Variants in AK5 observed in about 807,000 individuals in gnomAD.
AK5 encodes the protein adenylate kinase isoenzyme 5.
A neutral mutation model predicts 69.5 loss-of-function variants in AK5; 27 were observed. The observed-to-expected ratio is 0.39, with a 90% confidence interval of 0.29 to 0.54. The LOEUF is 0.54. AK5 is among the 20% of genes least tolerant of loss of function. The probability of loss-of-function intolerance (pLI) is 0.71; values close to 1 mark genes in which losing one functional copy is unlikely to be tolerated. For missense variants in AK5, 531 were observed against 700.4 expected, an observed-to-expected ratio of 0.76 and a Z score of 2.73; for synonymous variants, 260 against 244.4, an observed-to-expected ratio of 1.06 and a Z score of -0.60.
intron 5 of AK5, among the ~76,000 whole-genome samples, chr1:77,303,634 C>T (rs888420140): frequency 1.1e-4 from 17 of 152,188 alleles, no homozygotes; most frequent in Non-Finnish European, 2.2e-4. Flanking sequence ...GTAAAAAAGG[C>T]ACATAATGTC....
intron 10 of AK5, among the ~76,000 whole-genome samples, chr1:77,503,791 G>T (rs1262080668): frequency 6.6e-6 from 1 of 151,972 alleles, no homozygotes; most frequent in Non-Finnish European, 1.5e-5. Flanking sequence ...TGCAATCCCA[G>T]CTACTCAGAA....
intron 6 of AK5, among the ~76,000 whole-genome samples, chr1:77,342,625 T>C (rs763138534): frequency 1.3e-5 from 2 of 152,014 alleles, no homozygotes; most frequent in African/African-American, 2.4e-5. Context: ...TTTGAAAAAA[T>C]TTGACAAAGA....
rs1655623714 is a variant in AK5, at chr1:77,486,687, A to T, written c.1147+335A>T. ...CACTCCACCTGGGTGACAGAGCAAG[A>T]CTCTGTCAAAAAAAAAAAAAAAGGA... On this transcript the variant is annotated intron_variant, in intron 10 of 13. Transcript: ENST00000354567. Among the ~76,000 whole-genome samples the T allele has an allele frequency of 2.0e-5, 3 of 148,850 alleles. No homozygotes were observed. The East Asian group carries it at 5.9e-4, about 29-fold the overall frequency.
At chr1:77,397,500 C>T (rs1648910853) in intron 6 of AK5, among the ~76,000 whole-genome samples, 1 of 152,192 alleles carries the variant, frequency 6.6e-6, no homozygotes, top group Non-Finnish European at 1.5e-5. Flanking sequence ...TTTCTAGCAG[C>T]TACTTTACTA....
chr1:77,483,372 T>C lies in AK5; in HGVS notation c.1102+13T>C. On this transcript the variant is annotated intron_variant, in intron 9 of 13. Transcript: ENST00000354567. ...GACACTATGGGAGGTGAGTTTTCCTTACTGATCAGATCAAAGTTGTCATTT... is the reference window on the plus strand; with the variant it reads ...GACACTATGGGAGGTGAGTTTTCCTCACTGATCAGATCAAAGTTGTCATTT... 6.2e-7 allele frequency: 1 copy of C among 1,606,312 alleles called. No individual in the cohort carries two copies. Among genetic ancestry groups the C allele is most frequent in the Non-Finnish European group, 8.5e-7 (1 of 1,172,966 alleles).
rs1658108428 is a variant in AK5, at chr1:77,282,387, T to G, written c.60+14T>G. ...CAGCTTTTTGAGGTAGGGCTAGAGC[T>G]GGCCGACGGGCGGTAGCATCCGGGG... is the stretch of plus-strand genomic sequence containing the variant. On this transcript the variant is annotated intron_variant, in intron 1 of 13. Transcript: ENST00000354567. The G allele has an allele frequency of 6.5e-7, 1 of 1,540,672 alleles. No individual in the cohort carries two copies. The highest frequency in any genetic ancestry group is 8.8e-7 in the Non-Finnish European group (1 of 1,142,270).
At chr1:77,394,146 C>T (rs1648671097) in intron 6 of AK5, among the ~76,000 whole-genome samples, 1 of 150,092 alleles carries the variant, frequency 6.7e-6, no homozygotes, top group Non-Finnish European at 1.5e-5. Flanking sequence ...ACCCGGGAGG[C>T]AGAGCTTGCA....
intron 6 of AK5, among the ~76,000 whole-genome samples, chr1:77,402,441 C>T (rs1201157118): frequency 1.1e-4 from 14 of 133,154 alleles, no homozygotes; most frequent in African/African-American, 3.0e-4. Context: ...GCTATCCCTC[C>T]CCCCTCCCCC....
intron 10 of AK5, among the ~76,000 whole-genome samples, chr1:77,507,149 T>C (rs1657077617): frequency 6.6e-6 from 1 of 152,210 alleles, no homozygotes. Flanking sequence ...TTTGACTGGG[T>C]GTCCTGTATT....
In AK5 at chr1:77,508,683, G is replaced by A. The variant is rs189112035; in HGVS notation, c.1148-9881G>A. Reference sequence around the variant, plus strand: ...GGAGTTCGAGACCAGCCTGGCCAACGTGGCAAAACCCCGTCTCTACTAAAA... The same window carrying A: ...GGAGTTCGAGACCAGCCTGGCCAACATGGCAAAACCCCGTCTCTACTAAAA... On this transcript the variant is annotated intron_variant, in intron 10 of 13. Coordinates refer to ENST00000354567, the MANE Select transcript of AK5 (RefSeq NM_174858.3). 4.2e-3 allele frequency among the ~76,000 whole-genome samples: 639 copies of A among 152,028 alleles called. 2 individuals are homozygous for A. The highest frequency in any genetic ancestry group is 0.015 in the African/African-American group (618 of 41,468).
At position 77,518,640 on chromosome 1, in the gene AK5, C is replaced by T. The variant is rs748005007; in HGVS notation, c.1224C>T (p.Gly408=). The change falls in exon 11 of 14, where the codon GGC becomes GGT. Residue 408 remains glycine (G), a synonymous_variant. Coordinates refer to ENST00000354567, the MANE Select transcript of AK5 (RefSeq NM_174858.3). ...EKYGFTHLST[G]ELLREELASE... ...ATGGATTTACACATCTCTCAACTGG[C>T]GAGCTCCTGCGTGAGGAACTGGCAT... 16 of 1,613,992 alleles carry T rather than the reference C, an allele frequency of 9.9e-6. No homozygotes were observed. In the East Asian group the frequency reaches 1.6e-4, roughly 16 times the overall value.
At chr1:77,426,552 C>G (rs1402243989) in intron 8 of AK5, among the ~76,000 whole-genome samples, 1 of 152,158 alleles carries the variant, frequency 6.6e-6, no homozygotes, top group Non-Finnish European at 1.5e-5. Context: ...CAACACTCCT[C>G]TATCAGAAAT....
chr1:77,424,068 C>T (rs1466826400), intron 8 of AK5, among the ~76,000 whole-genome samples: 1 of 152,142 alleles, frequency 6.6e-6, no homozygotes, highest in Admixed American at 6.5e-5. Flanking sequence ...GACTGTAGAA[C>T]AATTCCCCGG....
At chr1:77,439,772 ATATATATGTATG>A (rs973216184) in intron 8 of AK5, among the ~76,000 whole-genome samples, 29 of 151,908 alleles carry the variant, frequency 1.9e-4, no homozygotes, top group Non-Finnish European at 3.1e-4. Context: ...ATGTATATAC[ATATATATGTATG>A]TATACATGTA....
At chr1:77,405,828 C>G (rs1173705546) in intron 6 of AK5, among the ~76,000 whole-genome samples, 1 of 152,112 alleles carries the variant, frequency 6.6e-6, no homozygotes. Context: ...TTCTGGAGAC[C>G]ATGTTGCCGG....
chr1:77,368,265 ATATATATGT>A (rs1433454334), intron 6 of AK5, among the ~76,000 whole-genome samples: 5 of 96,956 alleles, frequency 5.2e-5, no homozygotes, highest in African/African-American at 1.1e-4. Flanking sequence ...TATATATGTT[ATATATATGT>A]TATATATGTT....
intron 8 of AK5, among the ~76,000 whole-genome samples, chr1:77,424,078 G>A (rs1287077122): frequency 1.3e-5 from 2 of 152,078 alleles, no homozygotes; most frequent in Non-Finnish European, 2.9e-5. Flanking sequence ...CAATTCCCCG[G>A]CCCCATACTT....
chr1:77,413,631 C>T (rs1650193706), intron 7 of AK5, among the ~76,000 whole-genome samples: 1 of 152,138 alleles, frequency 6.6e-6, no homozygotes, highest in Admixed American at 6.5e-5. Flanking sequence ...AGCAGCTACC[C>T]CAGAGGATTG....
intron 13 of AK5, among the ~76,000 whole-genome samples, chr1:77,536,383 G>C (rs1298520026): frequency 1.3e-5 from 2 of 152,210 alleles, no homozygotes; most frequent in African/African-American, 2.4e-5. Flanking sequence ...GAGCCCCAGA[G>C]GTGGAGGCTG....
Sources: gnomAD v4.1 joint callset for allele counts (sites outside exome capture counted in the v4.1 genomes callset) on GRCh38, gnomAD v4.1.1 for gene constraint, MANE v1.5 for transcripts, NCBI Gene and HGNC (gene_info 2026-07-23, HGNC 2026-07-21) for gene names.